KRABD2: variants seen among roughly 807,000 people sequenced by gnomAD.
KRABD2 encodes the protein KRAB domain-containing protein 2.
chr17:8,370,066 G>C, the KRABD2 span: 3 of 1,613,834 alleles, frequency 1.9e-6, no homozygotes, highest in South Asian at 3.3e-5. Context: ...TACCGTATTC[G>C]ATCACGTTCT....
chr17:8,367,809 T>G, the KRABD2 span, among the ~76,000 whole-genome samples: 1 of 152,092 alleles, frequency 6.6e-6, no homozygotes, highest in South Asian at 2.1e-4. Flanking sequence ...TTCAAGCATC[T>G]GTTTAACAAA....
At chr17:8,359,643 G>A in the KRABD2 span, 2 of 455,912 alleles carry the variant, frequency 4.4e-6, no homozygotes, top group African/African-American at 4.0e-5. Flanking sequence ...GTGGATTTCA[G>A]AGAGGCTCTC....
chr17:8,364,148 C>T, the KRABD2 span, among the ~76,000 whole-genome samples: 29 of 151,910 alleles, frequency 1.9e-4, no homozygotes, highest in African/African-American at 5.3e-4. This position sits in a 1 kb window ranked among gnomAD's most constrained non-coding sequence, Gnocchi z 4.4. Flanking sequence ...GGATTACAGG[C>T]GTGAGCCACC....
chr17:8,376,523 G>A, the KRABD2 span: 1 of 990,866 alleles, frequency 1.0e-6, no homozygotes, highest in Non-Finnish European at 1.2e-6. Context: ...CCCTGACTTC[G>A]CAGACTGCTC....
At chr17:8,363,701 T>C in the KRABD2 span, among the ~76,000 whole-genome samples, 1 of 151,256 alleles carries the variant, frequency 6.6e-6, no homozygotes, top group Non-Finnish European at 1.5e-5. Context: ...TATTTTTATG[T>C]AGCCAGATGT....
the KRABD2 span, among the ~76,000 whole-genome samples, chr17:8,375,251 TC>T: frequency 2.5e-4 from 38 of 152,260 alleles, no homozygotes; most frequent in African/African-American, 8.4e-4. Flanking sequence ...GACCTCGTGA[TC>T]CACCCGCCTC....
chr17:8,363,859 ATATT>A, the KRABD2 span, among the ~76,000 whole-genome samples: 2,210 of 74,518 alleles, frequency 0.03, 67 homozygotes, highest in African/African-American at 0.055. Context: ...ATATATATAT[ATATT>A]TATTTATTTA....
At chr17:8,366,557 AAT>A in the KRABD2 span, among the ~76,000 whole-genome samples, 2 of 152,184 alleles carry the variant, frequency 1.3e-5, no homozygotes, top group African/African-American at 4.8e-5. Context: ...ACCTAATTTT[AAT>A]ATATGTTTCA....
the KRABD2 span, among the ~76,000 whole-genome samples, chr17:8,361,434 CCTGCCACCCCACA>C: frequency 2.0e-5 from 3 of 152,178 alleles, no homozygotes; most frequent in African/African-American, 7.2e-5. Flanking sequence ...TGAGTTTCTT[CCTGCCACCCCACA>C]CAAAACAAGT....
the KRABD2 span, chr17:8,376,370 C>CGAT: frequency 8.4e-7 from 1 of 1,194,966 alleles, no homozygotes; most frequent in Non-Finnish European, 1.0e-6. Flanking sequence ...CAGTACCCAT[C>CGAT]ACAATCGATT....
the KRABD2 span, among the ~76,000 whole-genome samples, chr17:8,363,853 A>ATAT: frequency 1.5e-5 from 1 of 67,828 alleles, no homozygotes; most frequent in African/African-American, 5.5e-5. Flanking sequence ...ATATATATAT[A>ATAT]TATATATATT....
chr17:8,371,823 A>G, the KRABD2 span: 11 of 1,087,194 alleles, frequency 1.0e-5, no homozygotes, highest in Non-Finnish European at 6.7e-6. Context: ...GTACATAAAG[A>G]TATGTCAGGA....
At chr17:8,368,200 G>C in the KRABD2 span, among the ~76,000 whole-genome samples, 4 of 152,086 alleles carry the variant, frequency 2.6e-5, no homozygotes, top group Non-Finnish European at 4.4e-5. Context: ...TAAGGATCTC[G>C]AGATGAGATC....
chr17:8,369,899 G>A, the KRABD2 span: 1 of 1,614,184 alleles, frequency 6.2e-7, no homozygotes, highest in East Asian at 2.2e-5. Flanking sequence ...TCTTCTGGTG[G>A]CACTGTTTAC....
At chr17:8,369,302 T>C in the KRABD2 span, 1 of 1,614,260 alleles carries the variant, frequency 6.2e-7, no homozygotes, top group South Asian at 1.1e-5. Context: ...TTTCTAGCTC[T>C]TCTTCCGTTT....
At chr17:8,376,152 G>A in the KRABD2 span, 1 of 1,231,682 alleles carries the variant, frequency 8.1e-7, no homozygotes, top group Non-Finnish European at 1.0e-6. Flanking sequence ...CCCCTTTGGA[G>A]GGCCCACGAA....
chr17:8,363,848 TA>T, the KRABD2 span, among the ~76,000 whole-genome samples: 62 of 89,880 alleles, frequency 6.9e-4, 2 homozygotes, highest in African/African-American at 2.2e-3. Context: ...TATATATATA[TA>T]TATATATATA....
chr17:8,376,627 G>A, the KRABD2 span: 2 of 985,774 alleles, frequency 2.0e-6, no homozygotes, highest in African/African-American at 1.7e-5. Flanking sequence ...GACTGAGGAA[G>A]GTCAGGAAGG....
At chr17:8,376,502 T>G in the KRABD2 span, 2 of 997,502 alleles carry the variant, frequency 2.0e-6, no homozygotes, top group Non-Finnish European at 2.4e-6. Context: ...CTCCTTTGTG[T>G]AGCCTTCCTA....
Sources: gnomAD v4.1 joint callset for allele counts (sites outside exome capture counted in the v4.1 genomes callset) on GRCh38, gnomAD v4.1.1 for gene constraint, Gnocchi (gnomAD v3.1) non-coding constraint, MANE v1.5 for transcripts, NCBI Gene and HGNC (gene_info 2026-07-23, HGNC 2026-07-21) for gene names.